TRHDE: variants seen among roughly 807,000 people sequenced by gnomAD.
TRHDE encodes thyrotropin releasing hormone degrading enzyme, also known as thyrotropin-releasing hormone-degrading ectoenzyme.
TRHDE carries 72 observed loss-of-function variants against 125.7 expected under a neutral mutation model. The observed-to-expected ratio is 0.57, with a 90% CI of 0.47 to 0.70. The LOEUF (loss-of-function observed/expected upper bound fraction) is 0.70. Among genes scored for constraint, TRHDE ranks in the 30% least tolerant of loss-of-function variants. The pLI is 0.00. For synonymous variants in TRHDE, 509 were observed against 509.1 expected, an observed-to-expected ratio of 1.00 and a Z score of 0.00; for missense variants, 1,110 against 1,327.1, an observed-to-expected ratio of 0.84 and a Z score of 2.54.
chr12:72,563,494 C>A (rs754679758), intron 9 of TRHDE, among the ~76,000 whole-genome samples: 4 of 152,032 alleles, frequency 2.6e-5, no homozygotes, highest in Non-Finnish European at 5.9e-5. Flanking sequence ...TAAAACGATA[C>A]CTTAAAATGA....
chr12:72,308,491 T>G (rs944186850), intron 2 of TRHDE, among the ~76,000 whole-genome samples: 2 of 152,142 alleles, frequency 1.3e-5, no homozygotes, highest in Admixed American at 1.3e-4. Context: ...ACAAGCATAA[T>G]AAAAGCTTGT....
intron 2 of TRHDE, among the ~76,000 whole-genome samples, chr12:72,119,691 T>A (rs1162230965): frequency 6.6e-6 from 1 of 152,192 alleles, no homozygotes; most frequent in Non-Finnish European, 1.5e-5. Flanking sequence ...CTAATAATAT[T>A]TGCTTTATAT....
intron 6 of TRHDE, among the ~76,000 whole-genome samples, chr12:72,535,813 A>G (rs1388505744): frequency 2.0e-5 from 3 of 152,192 alleles, no homozygotes; most frequent in Non-Finnish European, 4.4e-5. Context: ...TTATTTCCAC[A>G]TATGTCCAGA....
intron 1 of TRHDE, among the ~76,000 whole-genome samples, chr12:72,276,664 G>C (rs1178501525): frequency 1.3e-5 from 2 of 152,182 alleles, no homozygotes; most frequent in Non-Finnish European, 2.9e-5. Flanking sequence ...AATGTACAAA[G>C]GTTAGAAGAC....
intron 5 of TRHDE, among the ~76,000 whole-genome samples, chr12:72,475,337 T>C (rs1876841153): frequency 6.6e-6 from 1 of 152,172 alleles, no homozygotes; most frequent in South Asian, 2.1e-4. Flanking sequence ...GATGTCCTTA[T>C]TACAAGTGAT....
chr12:72,340,853 A>C (rs1223938850), intron 2 of TRHDE, among the ~76,000 whole-genome samples: 1 of 152,182 alleles, frequency 6.6e-6, no homozygotes, highest in Non-Finnish European at 1.5e-5. Flanking sequence ...CTACATATGA[A>C]GTTAAAAATA....
chr12:72,621,128 T>G lies in TRHDE; in HGVS notation c.2490T>G (p.Val830=). The change falls in exon 14 of 19, where the codon GTT becomes GTG. Residue 830 remains valine, a synonymous_variant. Transcript: ENST00000261180. ...NIFNEYILKQ[V]ATTYIKLGWP... ...TTTAGGAATATATTTTAAAGCAAGT[T>G]GCAACAACATATATCAAGCTTGGGT... is the stretch of plus-strand genomic sequence containing the variant. The G allele has an allele frequency of 6.2e-7, 1 of 1,610,328 alleles. No homozygotes were observed. The highest frequency in any genetic ancestry group is 8.5e-7 in the Non-Finnish European group (1 of 1,177,284).
At chr12:72,256,387 T>TTC (rs1878815059) in intron 2 of TRHDE, 1 of 152,208 alleles carries the variant, frequency 6.6e-6, no homozygotes, top group South Asian at 2.1e-4. Context: ...ATCAACATAC[T>TTC]TCACTTCCTG....
At chr12:72,318,212 A>G (rs994854534) in intron 2 of TRHDE, among the ~76,000 whole-genome samples, 2 of 152,134 alleles carry the variant, frequency 1.3e-5, no homozygotes, top group Non-Finnish European at 2.9e-5. Context: ...TACTTACTGG[A>G]TTTGGATCAT....
intron 2 of TRHDE, among the ~76,000 whole-genome samples, chr12:72,363,389 G>T (rs376904789): frequency 6.6e-6 from 1 of 151,698 alleles, no homozygotes; most frequent in Admixed American, 6.6e-5. Flanking sequence ...CTGGCAAACC[G>T]AATCCAGCAG....
intron 5 of TRHDE, among the ~76,000 whole-genome samples, chr12:72,476,604 G>A (rs773631487): frequency 4.6e-5 from 7 of 152,136 alleles, no homozygotes; most frequent in Non-Finnish European, 5.9e-5. Flanking sequence ...CAGAAGTCAG[G>A]CTCATGTCAG....
rs557467975 is a variant in TRHDE, at chr12:72,570,749, A to G, written c.2131+2093A>G. Reference sequence around the variant, plus strand: ...TTTGCCTAAAATATCACCTATCTTGATATGTGTGGTCCTAATATACAGCTG... The same window carrying G: ...TTTGCCTAAAATATCACCTATCTTGGTATGTGTGGTCCTAATATACAGCTG... On this transcript the variant is annotated intron_variant, in intron 10 of 18. Transcript: ENST00000261180. 3.3e-5 allele frequency among the ~76,000 whole-genome samples: 5 copies of G among 152,258 alleles called. No individual in the cohort carries two copies. In the South Asian group the frequency reaches 1.0e-3, roughly 32 times the overall value.
intron 6 of TRHDE, among the ~76,000 whole-genome samples, chr12:72,540,578 C>T (rs1592523342): frequency 3.3e-5 from 5 of 151,672 alleles, no homozygotes; most frequent in East Asian, 1.9e-4. Flanking sequence ...TACTAAGTCT[C>T]AATTCCCAGT....
intron 6 of TRHDE, among the ~76,000 whole-genome samples, chr12:72,536,635 A>T (rs1299970303): frequency 1.3e-5 from 2 of 152,066 alleles, no homozygotes; most frequent in Non-Finnish European, 2.9e-5. Flanking sequence ...GAGGGGCAGC[A>T]GTGGGAAATC....
At chr12:72,302,717 A>G (rs1868280025) in intron 2 of TRHDE, among the ~76,000 whole-genome samples, 1 of 152,042 alleles carries the variant, frequency 6.6e-6, no homozygotes, top group Non-Finnish European at 1.5e-5. Context: ...CTCTTCGTGG[A>G]ACTTATTTGT....
intron 2 of TRHDE, among the ~76,000 whole-genome samples, chr12:72,295,808 C>T (rs1410839237): frequency 6.6e-6 from 1 of 151,092 alleles, no homozygotes; most frequent in Admixed American, 6.6e-5. Flanking sequence ...TTTTAAATCA[C>T]GTTACTAATA....
chr12:72,334,589 T>C (rs980419801), intron 2 of TRHDE, among the ~76,000 whole-genome samples: 7 of 152,192 alleles, frequency 4.6e-5, no homozygotes, highest in African/African-American at 1.7e-4. Context: ...GTCCCTCAGC[T>C]AGGAAACTTG....
At chr12:72,551,839 G>T (rs536015341) in intron 7 of TRHDE, among the ~76,000 whole-genome samples, 28 of 152,120 alleles carry the variant, frequency 1.8e-4, no homozygotes, top group Admixed American at 1.5e-3. Flanking sequence ...CATAGTGAGT[G>T]GGTGGTTGGA....
chr12:72,569,530 C>T (rs1312967905), intron 10 of TRHDE, among the ~76,000 whole-genome samples: 7 of 152,170 alleles, frequency 4.6e-5, no homozygotes, highest in African/African-American at 1.7e-4. Context: ...ACAGTTTCTT[C>T]TCCTCAGCCT....
Sources: gnomAD v4.1 joint callset for allele counts (sites outside exome capture counted in the v4.1 genomes callset) on GRCh38, gnomAD v4.1.1 for gene constraint, MANE v1.5 for transcripts, NCBI Gene and HGNC (gene_info 2026-07-23, HGNC 2026-07-21) for gene names.